TSHR: variants seen among roughly 807,000 people sequenced by gnomAD.
TSHR encodes the protein thyroid stimulating hormone receptor.
Under a neutral mutation model 64.1 loss-of-function variants are expected in TSHR, and 51 were observed. That is an observed-to-expected ratio of 0.80 (90% CI 0.64 to 1.01). TSHR has a LOEUF of 1.01. Among genes scored for constraint, TSHR ranks in the 50% least tolerant of loss-of-function variants. The pLI, the probability that TSHR is intolerant of heterozygous loss-of-function variation, is 0.00. For missense variants in TSHR, 877 were observed against 942.8 expected (o/e 0.93, Z 0.91); for synonymous variants, 361 against 361.9 (o/e 1.00, Z 0.03).
chr14:81,140,370 A>C (rs888179134), intron 9 of TSHR, among the ~76,000 whole-genome samples: 6 of 152,162 alleles, frequency 3.9e-5, no homozygotes, highest in Non-Finnish European at 5.9e-5. Flanking sequence ...CCATTTTTCA[A>C]GCTGTGTTAT....
Position 81,116,649 on chromosome 14 carries a change from A to G in TSHR, c.692+8197A>G, listed in dbSNP as rs1890527447. 1.4e-5 allele frequency among the ~76,000 whole-genome samples: 2 copies of G among 146,504 alleles called. 1 individual carries two copies. Among genetic ancestry groups the G allele is most frequent in the African/African-American group, 5.3e-5 (2 of 37,634 alleles). ...AGACAGAAAGTTAACAAGGATACCC[A>G]GGAATTGAACTCAGCTCTGCACCAA... is the stretch of plus-strand genomic sequence containing the variant. On this transcript the variant is annotated intron_variant, in intron 8 of 9. Transcript: ENST00000298171.
intron 2 of TSHR, among the ~76,000 whole-genome samples, chr14:81,066,910 A>G (rs1161910400): frequency 1.3e-5 from 2 of 152,208 alleles, no homozygotes; most frequent in Non-Finnish European, 2.9e-5. Context: ...TGGTCATTGA[A>G]TTTGGCTGCA....
chr14:80,974,601 T>G (rs1442673978), intron 1 of TSHR, among the ~76,000 whole-genome samples: 2 of 152,232 alleles, frequency 1.3e-5, no homozygotes, highest in Admixed American at 1.3e-4. Flanking sequence ...AAATGTGCTT[T>G]ATGAAGCATG....
chr14:81,086,718 G>C (rs1227133959), intron 3 of TSHR, among the ~76,000 whole-genome samples: 2 of 152,148 alleles, frequency 1.3e-5, no homozygotes, highest in East Asian at 3.9e-4. Context: ...ACTCTATTTC[G>C]AGTCCATCTG....
Position 81,103,784 on chromosome 14 carries a change from G to T in TSHR, c.615-4591G>T. ...TCCTCTTTCCACGCAATCTGCGTGGGGATATGTTGCTTCTCACAGAATGTC... is the reference window on the plus strand; with the variant it reads ...TCCTCTTTCCACGCAATCTGCGTGGTGATATGTTGCTTCTCACAGAATGTC... On this transcript the variant is annotated intron_variant, in intron 7 of 9. Transcript: ENST00000298171. The surrounding 1 kb of genome is among the most constrained non-coding windows in gnomAD (Gnocchi z 4.1). The T allele has an allele frequency of 1.0e-6, 1 of 985,376 alleles. No homozygotes were observed. The highest frequency in any genetic ancestry group is 1.2e-6 in the Non-Finnish European group (1 of 829,890). 61.0% of individuals were successfully genotyped at this position (985,376 alleles called of 1,614,324 possible).
At chr14:81,013,940 C>T (rs2139782301) in intron 1 of TSHR, 1 of 152,146 alleles carries the variant, frequency 6.6e-6, no homozygotes, top group South Asian at 2.1e-4. Flanking sequence ...GGATTATTTC[C>T]ACACTTAAAA....
intron 1 of TSHR, chr14:81,032,668 T>A (rs1884409007): frequency 7.1e-6 from 3 of 425,136 alleles, no homozygotes; most frequent in South Asian, 6.1e-5. Context: ...GTCGAAGGCA[T>A]AATCTCTCCT....
intron 8 of TSHR, among the ~76,000 whole-genome samples, chr14:81,110,223 CT>C (rs1375298357): frequency 2.0e-5 from 3 of 152,168 alleles, no homozygotes; most frequent in African/African-American, 7.2e-5. Context: ...AATTCAAATG[CT>C]GAAGCCTTAA....
rs142122217 is a variant in TSHR, at chr14:81,142,973, T to A, written c.915T>A (p.Ser305Arg). 7.9e-5 allele frequency: 128 copies of A among 1,614,162 alleles called. No homozygotes were observed. The East Asian group carries it at 2.7e-3, about 34-fold the overall frequency. Residue 305 changes from serine to arginine, a missense_variant, in exon 10 of 10, where the codon AGT (serine) becomes AGA (arginine). Ser to Arg is a moderately radical substitution (Grantham distance 110). Transcript: ENST00000298171. ...ILESLMCNES[S>R]MQSLRQRKSV... ...AGTCCTTGATGTGTAATGAGAGCAG[T>A]ATGCAGAGCTTGCGCCAGAGAAAAT...
intron 8 of TSHR, among the ~76,000 whole-genome samples, chr14:81,109,244 C>A (rs1486558926): frequency 1.3e-5 from 2 of 152,082 alleles, no homozygotes; most frequent in Non-Finnish European, 2.9e-5. Flanking sequence ...CCTGTCTCCA[C>A]TAAAAATACA....
In TSHR at chr14:80,961,661, CA is replaced by C. The variant is rs897097572; in HGVS notation, c.170+5819del. On this transcript the variant is annotated intron_variant, in intron 1 of 9. Coordinates refer to ENST00000298171, the MANE Select transcript of TSHR (RefSeq NM_000369.5). ...CTTGGGAGCAGTTTCTATGCACACACAAAAAAAACAGTTAATGGGGGTAGCT... is the reference window on the plus strand; with the variant it reads ...CTTGGGAGCAGTTTCTATGCACACACAAAAAAACAGTTAATGGGGGTAGCT... Among the ~76,000 whole-genome samples the C allele has an allele frequency of 1.3e-3, 192 of 151,414 alleles. 2 individuals are homozygous for C. The highest frequency in any genetic ancestry group is 8.0e-4 in the African/African-American group (33 of 41,326).
At chr14:80,970,611 A>G (rs990427594) in intron 1 of TSHR, among the ~76,000 whole-genome samples, 1 of 152,194 alleles carries the variant, frequency 6.6e-6, no homozygotes, top group African/African-American at 2.4e-5. Context: ...GCTGGGCTGT[A>G]TGGCCCACAT....
intron 1 of TSHR, among the ~76,000 whole-genome samples, chr14:80,978,941 T>A (rs1888030666): frequency 6.6e-6 from 1 of 152,206 alleles, no homozygotes; most frequent in African/African-American, 2.4e-5. Flanking sequence ...TCTAATGAAT[T>A]TGAATTTCAG....
chr14:81,116,024 A>G (rs1028584221), intron 8 of TSHR, among the ~76,000 whole-genome samples: 3 of 152,164 alleles, frequency 2.0e-5, no homozygotes, highest in African/African-American at 7.2e-5. Flanking sequence ...GGAGCTCCTG[A>G]AGGAAGCGCT....
Position 80,973,403 on chromosome 14 carries a change from CAA to C in TSHR, c.170+17578_170+17579del, listed in dbSNP as rs58316010. Among the ~76,000 whole-genome samples, 328 of 51,418 alleles carry C rather than the reference CAA, an allele frequency of 6.4e-3. 4 individuals carry two copies. Among genetic ancestry groups the C allele is most frequent in the Non-Finnish European group, 9.4e-3 (256 of 27,228 alleles). 33.7% of individuals were successfully genotyped at this position (51,418 alleles called of 152,430 possible). On this transcript the variant is annotated intron_variant, in intron 1 of 9. Coordinates refer to ENST00000298171, the MANE Select transcript of TSHR (RefSeq NM_000369.5). ...CCCGGGTGACAGCGAGACGCTGTCT[CAA>C]AAAAAAAAAAAAAAAAAAAAAAAAT... is the stretch of plus-strand genomic sequence containing the variant.
chr14:81,140,188 G>C (rs527983386), intron 9 of TSHR, among the ~76,000 whole-genome samples: 17 of 152,246 alleles, frequency 1.1e-4, no homozygotes, highest in Admixed American at 6.5e-4. Flanking sequence ...GTACAATTCA[G>C]AATTAGATAC....
intron 1 of TSHR, among the ~76,000 whole-genome samples, chr14:81,011,358 T>C (rs1889896767): frequency 6.6e-6 from 1 of 152,136 alleles, no homozygotes; most frequent in Non-Finnish European, 1.5e-5. Context: ...TATTCAGTTA[T>C]TAGTTGTCTG....
rs758602259 is a variant in TSHR at position 81,068,334 on chromosome 14, T to G, written c.317+6T>G. ...TTGAGTAAAGTGACTCACATGTAAG[T>G]ACAAGGAAAAGTGCAGCATAGACCT... On this transcript the variant is annotated splice_donor_region_variant and intron_variant, in intron 3 of 9. Transcript: ENST00000298171. 2 of 1,612,442 alleles carry G rather than the reference T, an allele frequency of 1.2e-6. No individual in the cohort carries two copies. The highest frequency in any genetic ancestry group is 1.7e-6 in the Non-Finnish European group (2 of 1,179,106).
At chr14:81,057,982 T>C (rs1437206370) in intron 1 of TSHR, among the ~76,000 whole-genome samples, 1 of 152,262 alleles carries the variant, frequency 6.6e-6, no homozygotes, top group Admixed American at 6.5e-5. Context: ...GATGTTGGAA[T>C]GTTGATTGGA....
Sources: allele counts gnomAD v4.1 joint callset (sites outside exome capture counted in the v4.1 genomes callset), GRCh38; gene constraint gnomAD v4.1.1; non-coding constraint Gnocchi (gnomAD v3.1); transcripts MANE v1.5; gene names NCBI Gene and HGNC (gene_info 2026-07-23, HGNC 2026-07-21).